RCN2: variants seen among roughly 807,000 people sequenced by gnomAD.
RCN2 encodes reticulocalbin-2.
Under a neutral mutation model 37.5 loss-of-function variants are expected in RCN2, and 23 were observed. That is an observed-to-expected ratio of 0.61 (90% CI 0.44 to 0.87). The LOEUF (loss-of-function observed/expected upper bound fraction) is 0.87, where lower values mean the gene tolerates loss of function less well. Among genes scored for constraint, RCN2 ranks in the 40% least tolerant of loss-of-function variants. The probability of loss-of-function intolerance (pLI) is 0.00; values close to 1 mark genes in which losing one functional copy is unlikely to be tolerated. For synonymous variants in RCN2, 140 were observed against 144.6 expected, an observed-to-expected ratio of 0.97 and a Z score of 0.23; for missense variants, 381 against 390.4, an observed-to-expected ratio of 0.98 and a Z score of 0.20.
Position 76,931,870 on chromosome 15 carries a change from TGG to T in RCN2, c.32_33del (p.Gly11AlafsTer42). ...CGGCTGGGCCCGAGGACCGCGGCGT[TGG>T]GGCTGCTGCTGCTGTGCGCCGCCGC... On this transcript the variant is annotated frameshift_variant, in exon 1 of 7. Coordinates refer to ENST00000394885, the MANE Select transcript of RCN2 (RefSeq NM_002902.3). LOFTEE classifies it high-confidence loss of function. 7.7e-7 allele frequency: 1 copy of T among 1,299,474 alleles called. No homozygotes were observed. Among genetic ancestry groups the T allele is most frequent in the Non-Finnish European group, 9.8e-7 (1 of 1,024,432 alleles). 80.5% of individuals were successfully genotyped at this position (1,299,474 alleles called of 1,614,324 possible).
rs1237477491 is a variant in RCN2, at chr15:76,932,394, G to T, written c.178G>T (p.Glu60Ter). The T allele has an allele frequency of 6.2e-7, 1 of 1,613,748 alleles. No individual in the cohort carries two copies. Among genetic ancestry groups the T allele is most frequent in the Non-Finnish European group, 8.5e-7 (1 of 1,179,860 alleles). ...DVDEYVKLGH[E>*]EQQKRLQAII... ...GGATGAATATGTTAAACTCGGCCAC[G>T]AAGAGCAGCAAAAAAGACTGCAGGC... The change falls in exon 2 of 7, where the codon GAA (glutamate) becomes TAA (stop). Residue 60 changes from glutamate (E) to a stop codon, truncating the protein, a stop_gained. Transcript: ENST00000394885. LOFTEE classifies it high-confidence loss of function.
In RCN2 at chr15:76,947,449, A is replaced by G. The variant is rs747999248; in HGVS notation, c.590A>G (p.Glu197Gly). 3.1e-6 allele frequency: 5 copies of G among 1,606,998 alleles called. No homozygotes were observed. The highest frequency in any genetic ancestry group is 4.2e-6 in the Non-Finnish European group (5 of 1,177,180). Residue 197 changes from glutamate (E) to glycine (G), a missense_variant, in exon 5 of 7, where the codon GAA (glutamate) becomes GGA (glycine). Physicochemically the swap from Glu to Gly is moderately conservative, Grantham distance 98. Transcript: ENST00000394885. ...TTTGTCATTCAAGAAGCTTTAGAAG[A>G]ACATGACAAAAATGGTGATGGATTT... is the stretch of plus-strand genomic sequence containing the variant. The part of the protein sequence containing the change: ...TEFVIQEALE[E>G]HDKNGDGFVS...
At chr15:76,942,972 A>G (rs2075281790) in intron 3 of RCN2, 1 of 152,226 alleles carries the variant, frequency 6.6e-6, no homozygotes, top group South Asian at 2.1e-4. Context: ...AAGATTTCCA[A>G]ATATTAGGTA....
Position 76,949,191 on chromosome 15 carries a change from A to G in RCN2, c.923A>G (p.His308Arg). ...GCCACAGATTATGGCAGACAGCTCC[A>G]TGATGACTATTTCTATCATGATGAG... is the stretch of plus-strand genomic sequence containing the variant. ...SEATDYGRQL[H>R]DDYFYHDEL Residue 308 changes from histidine to arginine, a missense_variant, in exon 7 of 7, where the codon CAT becomes CGT. His to Arg is a conservative substitution (Grantham distance 29, BLOSUM62 0). Transcript: ENST00000394885. 6.2e-7 allele frequency: 1 copy of G among 1,612,320 alleles called. No individual in the cohort carries two copies. Among genetic ancestry groups the G allele is most frequent in the Non-Finnish European group, 8.5e-7 (1 of 1,179,200 alleles).
chr15:76,932,252 A>C (rs1171624286), intron 1 of RCN2, 109 bp from the exon 2 acceptor site: 1 of 866,032 alleles, frequency 1.2e-6, no homozygotes, highest in African/African-American at 1.7e-5. Flanking sequence ...GGTGCGGGTC[A>C]CCCCGAAACC....
chr15:76,943,652 T>C lies in RCN2; in HGVS notation c.448-106T>C, dbSNP rs904784337. 49 of 632,688 alleles carry C rather than the reference T, an allele frequency of 7.7e-5. 2 individuals are homozygous for C. The South Asian group carries it at 9.9e-4, about 13-fold the overall frequency. 39.2% of individuals were successfully genotyped at this position (632,688 alleles called of 1,614,324 possible). A position where few individuals can be genotyped will look rare whatever the true frequency, so the allele number is the denominator to read the frequency against. On this transcript the variant is annotated intron_variant, in intron 3 of 6. Coordinates refer to ENST00000394885, the MANE Select transcript of RCN2 (RefSeq NM_002902.3). ...TACCTTCAAAGGGACGATGTGAAGA[T>C]AAATGAGATAACGGATGGGAATGTA...
At chr15:76,945,280 T>G (rs945091205) in intron 4 of RCN2, among the ~76,000 whole-genome samples, 4 of 152,222 alleles carry the variant, frequency 2.6e-5, no homozygotes, top group Middle Eastern at 3.2e-3. Context: ...TTTCAGATTT[T>G]TTTTGGTTTT....
chr15:76,949,604 C>T lies in RCN2; in HGVS notation c.*382C>T, dbSNP rs1380999030. 1 of 154,022 alleles carries T rather than the reference C, an allele frequency of 6.5e-6. No individual in the cohort carries two copies. Among genetic ancestry groups the T allele is most frequent in the East Asian group, 1.9e-4 (1 of 5,288 alleles). 9.5% of individuals were successfully genotyped at this position (154,022 alleles called of 1,614,324 possible). A position where few individuals can be genotyped will look rare whatever the true frequency, so the allele number is the denominator to read the frequency against. ...CGAGCTATAAATTTTTGTTTTTGTT[C>T]TAAGTAGATTTAATTTGGGAACTGA... On this transcript the variant is annotated 3_prime_UTR_variant, in exon 7 of 7. Coordinates refer to ENST00000394885, the MANE Select transcript of RCN2 (RefSeq NM_002902.3).
intron 3 of RCN2, among the ~76,000 whole-genome samples, chr15:76,936,442 G>GC (rs1261709202): frequency 2.0e-5 from 3 of 152,072 alleles, no homozygotes; most frequent in Non-Finnish European, 4.4e-5. Context: ...AGATCAGCAG[G>GC]CATTAGGTTC....
At chr15:76,939,231 A>AAAATAAATAAAT (rs147122407) in intron 3 of RCN2, among the ~76,000 whole-genome samples, 73 of 144,634 alleles carry the variant, frequency 5.0e-4, no homozygotes, top group Middle Eastern at 3.5e-3. Flanking sequence ...CTCATTTCTA[A>AAAATAAATAAAT]AAATAAATAA....
At chr15:76,948,040 T>G (rs2075303506) in intron 5 of RCN2, 1 of 165,682 alleles carries the variant, frequency 6.0e-6, no homozygotes, top group Non-Finnish European at 1.3e-5. Context: ...GATTGTCACT[T>G]TAAAATTACA....
intron 2 of RCN2, among the ~76,000 whole-genome samples, chr15:76,934,698 T>C (rs1414434938): frequency 1.3e-5 from 2 of 152,224 alleles, no homozygotes; most frequent in Non-Finnish European, 2.9e-5. Flanking sequence ...TTTCTTACTA[T>C]AGTTTTAATT....
At chr15:76,934,976 A>G (rs1477537021) in intron 2 of RCN2, among the ~76,000 whole-genome samples, 1 of 152,190 alleles carries the variant, frequency 6.6e-6, no homozygotes, top group Non-Finnish European at 1.5e-5. Flanking sequence ...ATCAGTGAAC[A>G]GAACATACCC....
intron 3 of RCN2, among the ~76,000 whole-genome samples, chr15:76,940,139 C>T (rs117165434): frequency 1.3e-5 from 2 of 151,218 alleles, no homozygotes; most frequent in Non-Finnish European, 2.9e-5. Context: ...AGGAATATGT[C>T]TCTATCTTCA....
intron 2 of RCN2, 151 bp from the exon 3 acceptor site, chr15:76,935,375 C>A: frequency 1.7e-6 from 1 of 604,504 alleles, no homozygotes. Flanking sequence ...GCCTTTCCCA[C>A]TTCCTACCCC....
chr15:76,947,325 A>T (rs2075300461), intron 4 of RCN2, 96 bp from the exon 5 acceptor site: 5 of 715,938 alleles, frequency 7.0e-6, no homozygotes, highest in Admixed American at 2.8e-5. Flanking sequence ...ATTATCATTT[A>T]TTTCTAAAGA....
intron 2 of RCN2, among the ~76,000 whole-genome samples, chr15:76,934,762 A>G (rs1434847910): frequency 6.6e-6 from 1 of 152,232 alleles, no homozygotes; most frequent in Non-Finnish European, 1.5e-5. Context: ...TTCATAAATA[A>G]AAAACACTGT....
chr15:76,932,230 C>T, intron 1 of RCN2, 131 bp from the exon 2 acceptor site: 1 of 765,650 alleles, frequency 1.3e-6, no homozygotes, highest in Non-Finnish European at 2.2e-6. Flanking sequence ...GGGGTAGGGG[C>T]CTTGAAGTGC....
chr15:76,934,611 A>G (rs1442304784), intron 2 of RCN2, among the ~76,000 whole-genome samples: 1 of 152,262 alleles, frequency 6.6e-6, no homozygotes, highest in African/African-American at 2.4e-5. Flanking sequence ...ATTTAAAGGT[A>G]ATATACTGAA....
Sources: gnomAD v4.1 joint callset for allele counts (sites outside exome capture counted in the v4.1 genomes callset) on GRCh38, gnomAD v4.1.1 for gene constraint, MANE v1.5 for transcripts, NCBI Gene and HGNC (gene_info 2026-07-23, HGNC 2026-07-21) for gene names.